Variants in TCERG1L observed in about 807,000 individuals in gnomAD.
TCERG1L encodes transcription elongation regulator 1-like protein.
A neutral mutation model predicts 56.3 loss-of-function variants in TCERG1L; 37 were observed. The ratio of observed to expected loss-of-function variants is 0.66; its 90% CI spans 0.51 to 0.87. TCERG1L has a LOEUF of 0.87. Among genes scored for constraint, TCERG1L ranks in the 40% least tolerant of loss-of-function variants. The pLI is 0.00. For synonymous variants in TCERG1L, 324 were observed against 326.3 expected, an observed-to-expected ratio of 0.99 and a Z score of 0.08; for missense variants, 799 against 774.2, an observed-to-expected ratio of 1.03 and a Z score of -0.38.
intron 4 of TCERG1L, among the ~76,000 whole-genome samples, chr10:131,174,624 C>G (rs979216035): frequency 2.6e-5 from 4 of 152,198 alleles, no homozygotes; most frequent in African/African-American, 9.6e-5. Context: ...TTCATATAAA[C>G]AGCAAATCAT....
chr10:131,140,672 C>A (rs533352380), intron 7 of TCERG1L, among the ~76,000 whole-genome samples: 1 of 152,336 alleles, frequency 6.6e-6, no homozygotes, highest in East Asian at 1.9e-4. Context: ...CCCCAGAGAG[C>A]ACCTTGCAGG....
rs372061911 is a variant in TCERG1L, at chr10:131,153,956, A to G, written c.1035-7296T>C. On this transcript the variant is annotated intron_variant, in intron 6 of 11. Transcript: ENST00000368642. ...TTGAACCAGAGTGAGTAGCTGGTAA[A>G]TAAATGCAGTTTCCCCAGAGAAATC... is the stretch of plus-strand genomic sequence containing the variant. Among the ~76,000 whole-genome samples the G allele has an allele frequency of 1.1e-4, 16 of 152,332 alleles. 1 individual carries two copies. In the East Asian group the frequency reaches 1.4e-3, roughly 13 times the overall value.
At chr10:131,101,550 C>A in intron 10 of TCERG1L, among the ~76,000 whole-genome samples, 1 of 152,214 alleles carries the variant, frequency 6.6e-6, no homozygotes, top group Middle Eastern at 3.4e-3. Flanking sequence ...ACAACCCACA[C>A]GCCACACACA....
At chr10:131,107,312 T>A (rs1024593423) in intron 9 of TCERG1L, among the ~76,000 whole-genome samples, 1 of 152,150 alleles carries the variant, frequency 6.6e-6, no homozygotes, top group Admixed American at 6.5e-5. Flanking sequence ...CTGGAAAATG[T>A]TGGAGTTCTA....
chr10:131,299,707 A>G (rs1846739721), intron 3 of TCERG1L, among the ~76,000 whole-genome samples: 1 of 152,130 alleles, frequency 6.6e-6, no homozygotes. Flanking sequence ...GTGAATTTAA[A>G]GACATACTTA....
chr10:131,269,094 T>C (rs975673904), intron 3 of TCERG1L, among the ~76,000 whole-genome samples: 3 of 152,250 alleles, frequency 2.0e-5, no homozygotes, highest in African/African-American at 7.2e-5. Flanking sequence ...TAATTATTGC[T>C]AGCTTTTGAT....
intron 4 of TCERG1L, among the ~76,000 whole-genome samples, chr10:131,221,716 C>T (rs552063552): frequency 4.6e-5 from 7 of 152,294 alleles, no homozygotes; most frequent in Non-Finnish European, 8.8e-5. Context: ...CATGCTATGA[C>T]TTAGCCACGT....
chr10:131,196,519 C>T (rs1238572746), intron 4 of TCERG1L, among the ~76,000 whole-genome samples: 2 of 152,238 alleles, frequency 1.3e-5, no homozygotes, highest in Admixed American at 6.5e-5. Flanking sequence ...GCAGGTGCTC[C>T]TCTCCTCCTC....
chr10:131,311,251 G>A lies in TCERG1L; in HGVS notation c.342+43C>T, dbSNP rs981710313. ...CCGGGCAGGGCGCGCCCAGGAGCAGGGGAGACGGCGACCCGGGCCGAGGCG... is the reference window on the plus strand; with the variant it reads ...CCGGGCAGGGCGCGCCCAGGAGCAGAGGAGACGGCGACCCGGGCCGAGGCG... On this transcript the variant is annotated intron_variant, in intron 1 of 11. Transcript: ENST00000368642. This position sits in a 1 kb window ranked among gnomAD's most constrained non-coding sequence, Gnocchi z 4.0. 6 of 1,194,338 alleles carry A rather than the reference G, an allele frequency of 5.0e-6. No individual in the cohort carries two copies. Among genetic ancestry groups the A allele is most frequent in the African/African-American group, 3.2e-5 (2 of 62,916 alleles). 74.0% of individuals were successfully genotyped at this position (1,194,338 alleles called of 1,614,324 possible). A position where few individuals can be genotyped will look rare whatever the true frequency, so the allele number is the denominator to read the frequency against.
intron 4 of TCERG1L, among the ~76,000 whole-genome samples, chr10:131,179,388 A>G (rs1240259615): frequency 6.6e-6 from 1 of 152,194 alleles, no homozygotes; most frequent in South Asian, 2.1e-4. Flanking sequence ...CTTTCAATCC[A>G]AGAATGCCCT....
chr10:131,224,786 G>A (rs1845774774), intron 4 of TCERG1L, among the ~76,000 whole-genome samples: 1 of 151,922 alleles, frequency 6.6e-6, no homozygotes, highest in African/African-American at 2.4e-5. Flanking sequence ...AAACATGTGG[G>A]AAAACACTGA....
At position 131,171,120 on chromosome 10, in the gene TCERG1L, G is replaced by C. The variant is rs148050105; in HGVS notation, c.857-4235C>G. Among the ~76,000 whole-genome samples the C allele has an allele frequency of 1.4e-3, 213 of 151,368 alleles. 1 individual carries two copies. Among genetic ancestry groups the C allele is most frequent in the East Asian group, 7.6e-3 (39 of 5,144 alleles). On this transcript the variant is annotated intron_variant, in intron 4 of 11. Transcript: ENST00000368642. ...AGATCACGCCACTGCATTCCAGCCT[G>C]GGTGACAGAGCGAGGCTCCATCTCA...
chr10:131,120,910 T>C (rs1214522012), intron 8 of TCERG1L, among the ~76,000 whole-genome samples: 1 of 152,158 alleles, frequency 6.6e-6, no homozygotes, highest in Non-Finnish European at 1.5e-5. Flanking sequence ...GGGCTGTAGC[T>C]GGAACAAGGA....
intron 4 of TCERG1L, among the ~76,000 whole-genome samples, chr10:131,257,742 A>G (rs1846188071): frequency 6.6e-6 from 1 of 152,078 alleles, no homozygotes; most frequent in African/African-American, 2.4e-5. Flanking sequence ...GGTCATGACA[A>G]CCAAAACACA....
intron 11 of TCERG1L, chr10:131,095,230 GGAC>G (rs1845231139): frequency 6.8e-6 from 1 of 146,714 alleles, no homozygotes; most frequent in Non-Finnish European, 1.5e-5. Flanking sequence ...CAACCCCACC[GGAC>G]GGCCAACCCC....
rs200103264 is a variant in TCERG1L, at chr10:131,309,294, C to A, written c.348G>T (p.Leu116=). Residue 116 remains leucine (L), a synonymous_variant, in exon 2 of 12, where the codon CTG becomes CTT. Transcript: ENST00000368642. ...HPFPALHGQW[L]FGGHSPSLGL... ...CTAGGGACGGAGAATGGCCACCAAA[C>A]AGCCACTGCAAGCCAAGCAAGAAAA... is the stretch of plus-strand genomic sequence containing the variant. 10 of 1,592,264 alleles carry A rather than the reference C, an allele frequency of 6.3e-6. No individual in the cohort carries two copies. In the South Asian group the frequency reaches 9.1e-5, roughly 14 times the overall value.
chr10:131,263,017 T>A (rs538807859), intron 3 of TCERG1L, among the ~76,000 whole-genome samples: 1 of 152,138 alleles, frequency 6.6e-6, no homozygotes, highest in Non-Finnish European at 1.5e-5. Flanking sequence ...TTCTTTTTAT[T>A]GTTGAATGAT....
intron 7 of TCERG1L, among the ~76,000 whole-genome samples, chr10:131,135,406 T>C (rs991235662): frequency 1.1e-4 from 16 of 152,154 alleles, no homozygotes; most frequent in Non-Finnish European, 2.9e-5. Context: ...GAGCCCAGAG[T>C]TGATGAGAAA....
At chr10:131,121,165 C>A (rs56249207) in intron 8 of TCERG1L, among the ~76,000 whole-genome samples, 1 of 152,006 alleles carries the variant, frequency 6.6e-6, no homozygotes, top group South Asian at 2.1e-4. Flanking sequence ...GAGACATAGA[C>A]GCTGACACAG....
Sources: gnomAD v4.1 joint callset for allele counts (sites outside exome capture counted in the v4.1 genomes callset) on GRCh38, gnomAD v4.1.1 for gene constraint, Gnocchi (gnomAD v3.1) non-coding constraint, MANE v1.5 for transcripts, NCBI Gene and HGNC (gene_info 2026-07-23, HGNC 2026-07-21) for gene names.